DOCK5: variants seen among roughly 807,000 people sequenced by gnomAD.
DOCK5 encodes the protein dedicator of cytokinesis protein 5.
A neutral mutation model predicts 251.8 loss-of-function variants in DOCK5; 142 were observed. The ratio of observed to expected loss-of-function variants is 0.56; its 90% CI spans 0.49 to 0.65. DOCK5 has a LOEUF of 0.65. DOCK5 is among the 30% of genes least tolerant of loss of function. The pLI, the probability that DOCK5 is intolerant of heterozygous loss-of-function variation, is 0.00. For missense variants in DOCK5, 2,111 were observed against 2,312.3 expected, an observed-to-expected ratio of 0.91 and a Z score of 1.79; for synonymous variants, 842 against 835.5, an observed-to-expected ratio of 1.01 and a Z score of -0.13.
At chr8:25,406,312 C>T (rs1801522394) in intron 48 of DOCK5, among the ~76,000 whole-genome samples, 1 of 152,142 alleles carries the variant, frequency 6.6e-6, no homozygotes, top group African/African-American at 2.4e-5. Flanking sequence ...TTGTGACCTA[C>T]TGCTTAATTT....
At chr8:25,377,665 T>C (rs1308664470) in intron 38 of DOCK5, among the ~76,000 whole-genome samples, 2 of 152,150 alleles carry the variant, frequency 1.3e-5, no homozygotes, top group African/African-American at 4.8e-5. Flanking sequence ...GGTTTAATAG[T>C]CTGCTAGAAC....
intron 1 of DOCK5, among the ~76,000 whole-genome samples, chr8:25,217,959 T>C (rs746403656): frequency 6.6e-6 from 1 of 152,224 alleles, no homozygotes; most frequent in Non-Finnish European, 1.5e-5. Context: ...TTCCAATTAC[T>C]ATAAAGAAAT....
chr8:25,313,729 C>T (rs1401327989), intron 13 of DOCK5, among the ~76,000 whole-genome samples: 1 of 152,188 alleles, frequency 6.6e-6, no homozygotes, highest in South Asian at 2.1e-4. Flanking sequence ...GCCATCTTCT[C>T]CCTTCGTCTT....
In DOCK5 at chr8:25,209,495, A is replaced by G. The variant is rs1360516522; in HGVS notation, c.43+24544A>G. On this transcript the variant is annotated intron_variant, in intron 1 of 51. Coordinates refer to ENST00000276440, the MANE Select transcript of DOCK5 (RefSeq NM_024940.8). ...CCTTCCAGAAGTTGCTTCTTCATCT[A>G]TAATGAAGGATGATGCCAAGAGGAT... Among the ~76,000 whole-genome samples the G allele has an allele frequency of 3.9e-4, 28 of 71,264 alleles. 6 individuals carry two copies. Among genetic ancestry groups the G allele is most frequent in the African/African-American group, 8.6e-4 (27 of 31,506 alleles). 46.8% of individuals were successfully genotyped at this position (71,264 alleles called of 152,430 possible).
Position 25,341,726 on chromosome 8 carries a change from GT to G in DOCK5, c.2440-8del. 6.4e-7 allele frequency: 1 copy of G among 1,569,206 alleles called. No homozygotes were observed. The highest frequency in any genetic ancestry group is 1.9e-5 in the Admixed American group (1 of 52,978). ...CCTGGCAACTGAATTTGCCTTTGGT[GT>G]TTTTCTTACAGGGGGCAGCTTTGAA... On this transcript the variant is annotated splice_polypyrimidine_tract_variant and intron_variant, in intron 23 of 51. Coordinates refer to ENST00000276440, the MANE Select transcript of DOCK5 (RefSeq NM_024940.8).
At chr8:25,257,407 A>G (rs1221120515) in intron 2 of DOCK5, among the ~76,000 whole-genome samples, 1 of 152,210 alleles carries the variant, frequency 6.6e-6, no homozygotes, top group East Asian at 1.9e-4. Context: ...CAGAGCTGTG[A>G]TTCCCACTGG....
intron 1 of DOCK5, among the ~76,000 whole-genome samples, chr8:25,190,285 G>A (rs1017899399): frequency 3.3e-5 from 5 of 152,168 alleles, no homozygotes; most frequent in South Asian, 2.1e-4. Flanking sequence ...GAAAACAGCC[G>A]TATTGAAATA....
intron 1 of DOCK5, among the ~76,000 whole-genome samples, chr8:25,203,213 C>G (rs778076091): frequency 3.3e-5 from 5 of 152,292 alleles, no homozygotes; most frequent in Admixed American, 2.0e-4. Context: ...TGCCTGAAAG[C>G]CTGCCTCAAA....
intron 1 of DOCK5, among the ~76,000 whole-genome samples, chr8:25,233,209 C>G (rs959243234): frequency 2.6e-5 from 4 of 152,092 alleles, no homozygotes; most frequent in Non-Finnish European, 2.9e-5. Flanking sequence ...TTATCTGTTT[C>G]TCTCCTCTCA....
At chr8:25,310,344 A>G in intron 12 of DOCK5, 63 bp from the exon 13 acceptor site, 1 of 1,498,600 alleles carries the variant, frequency 6.7e-7, no homozygotes, top group Non-Finnish European at 8.9e-7. Flanking sequence ...TCTTCTCACC[A>G]GTTACGCATG....
intron 2 of DOCK5, among the ~76,000 whole-genome samples, chr8:25,256,149 T>C (rs752239942): frequency 6.6e-6 from 1 of 152,238 alleles, no homozygotes; most frequent in African/African-American, 2.4e-5. Context: ...TATTATATTC[T>C]GTGTATCTGT....
At chr8:25,261,517 A>G (rs1396301444) in intron 2 of DOCK5, among the ~76,000 whole-genome samples, 2 of 152,252 alleles carry the variant, frequency 1.3e-5, no homozygotes, top group African/African-American at 2.4e-5. Context: ...ATATTCAGTC[A>G]TATTTCAGCA....
chr8:25,366,139 C>T (rs1800770020), intron 30 of DOCK5, among the ~76,000 whole-genome samples: 1 of 152,094 alleles, frequency 6.6e-6, no homozygotes, highest in African/African-American at 2.4e-5. Context: ...AGATTGTTTC[C>T]ATTTTCTATT....
rs747629106 is a variant in DOCK5 at position 25,373,651 on chromosome 8, T to C, written c.3718T>C (p.Tyr1240His). 7 of 1,594,320 alleles carry C rather than the reference T, an allele frequency of 4.4e-6. No individual in the cohort carries two copies. The highest frequency in any genetic ancestry group is 1.3e-5 in the African/African-American group (1 of 74,520). ...TAAAGAAAAGAAGAGAGAGGACATA[T>C]ACATAAGGTAAGCTGAAGGAAATTT... ...FYKEKKREDIYIRYLYKLRDL... is the reference protein window; with the variant it reads ...FYKEKKREDIHIRYLYKLRDL... Residue 1240 changes from tyrosine (Y) to histidine (H), a missense_variant, in exon 36 of 52, where the codon TAC (tyrosine) becomes CAC (histidine). By Grantham distance (83) the Tyr-to-His change is moderately conservative. Around this residue, in one of 3 missense-constraint regions of DOCK5, gnomAD observed 1,717 missense variants for 1,892.4 expected, o/e 0.91. Coordinates refer to ENST00000276440, the MANE Select transcript of DOCK5 (RefSeq NM_024940.8).
At chr8:25,289,915 C>T (rs906983450) in intron 5 of DOCK5, among the ~76,000 whole-genome samples, 6 of 152,202 alleles carry the variant, frequency 3.9e-5, no homozygotes, top group Non-Finnish European at 8.8e-5. Context: ...TTTTATTTAA[C>T]TAACATTTCA....
intron 5 of DOCK5, among the ~76,000 whole-genome samples, chr8:25,284,956 A>T (rs1327715217): frequency 6.6e-6 from 1 of 152,156 alleles, no homozygotes; most frequent in African/African-American, 2.4e-5. Context: ...TCTCACCCTA[A>T]GATTTAGTTT....
rs754351616 is a variant in DOCK5 at position 25,291,978 on chromosome 8, C to T, written c.322-46C>T. On this transcript the variant is annotated intron_variant, in intron 5 of 51. Coordinates refer to ENST00000276440, the MANE Select transcript of DOCK5 (RefSeq NM_024940.8). ...AAAAGGATGTTCCCATCCTCTGTCACACCTTTTTCTAAGAATCTTTTCTTC... is the reference window on the plus strand; with the variant it reads ...AAAAGGATGTTCCCATCCTCTGTCATACCTTTTTCTAAGAATCTTTTCTTC... 3 of 1,492,446 alleles carry T rather than the reference C, an allele frequency of 2.0e-6. No individual in the cohort carries two copies. In the South Asian group the frequency reaches 3.9e-5, roughly 19 times the overall value. The allele number at this position is 1,492,446 out of a possible 1,614,324, so 92.5% of individuals were successfully genotyped here.
chr8:25,382,565 T>G lies in DOCK5; in HGVS notation c.4027-109T>G, dbSNP rs562842680. 1.9e-5 allele frequency: 17 copies of G among 879,034 alleles called. No individual in the cohort carries two copies. In the East Asian group the frequency reaches 3.0e-4, roughly 15 times the overall value. 54.5% of individuals were successfully genotyped at this position (879,034 alleles called of 1,614,324 possible). ...GCCCATAGGGTGTTTTCCAAAGACC[T>G]TTCATTGCTCTGGGTTACGTGGGAA... On this transcript the variant is annotated intron_variant, in intron 39 of 51. Coordinates refer to ENST00000276440, the MANE Select transcript of DOCK5 (RefSeq NM_024940.8).
At chr8:25,361,650 T>C (rs1043699390) in intron 28 of DOCK5, among the ~76,000 whole-genome samples, 2 of 152,054 alleles carry the variant, frequency 1.3e-5, no homozygotes, top group Admixed American at 1.3e-4. Context: ...AAATATATGA[T>C]GAAACGAATT....
Sources: allele counts gnomAD v4.1 joint callset (sites outside exome capture counted in the v4.1 genomes callset), GRCh38; gene constraint gnomAD v4.1.1; regional missense constraint gnomAD v4.1.1; transcripts MANE v1.5; gene names NCBI Gene and HGNC (gene_info 2026-07-23, HGNC 2026-07-21).